MEF2A: variants seen among roughly 807,000 people sequenced by gnomAD.
MEF2A encodes the protein myocyte-specific enhancer factor 2A.
A neutral mutation model predicts 55.8 loss-of-function variants in MEF2A; 28 were observed. The observed-to-expected ratio is 0.50, with a 90% CI of 0.37 to 0.69. The LOEUF is 0.69. Ranked by LOEUF, MEF2A falls within the 30% of genes least tolerant of loss-of-function variation. MEF2A has a pLI of 0.00. For missense variants in MEF2A, 528 were observed against 626.2 expected, an observed-to-expected ratio of 0.84 and a Z score of 1.67; for synonymous variants, 239 against 227.1, an observed-to-expected ratio of 1.05 and a Z score of -0.47.
chr15:99,691,458 G>A (rs575785836), intron 8 of MEF2A, among the ~76,000 whole-genome samples: 15 of 152,184 alleles, frequency 9.9e-5, no homozygotes, highest in Admixed American at 9.1e-4. Context: ...AGCACTTTGG[G>A]ATGCCAGGGC....
intron 7 of MEF2A, among the ~76,000 whole-genome samples, chr15:99,680,174 T>C (rs1313760590): frequency 1.3e-5 from 2 of 152,208 alleles, no homozygotes; most frequent in Non-Finnish European, 2.9e-5. Flanking sequence ...GTGTTGCTCA[T>C]TCTCCAGAGG....
Position 99,587,784 on chromosome 15 carries a change from G to A in MEF2A, c.-224-10646G>A, listed in dbSNP as rs146953975. Among the ~76,000 whole-genome samples, 7 of 152,016 alleles carry A rather than the reference G, an allele frequency of 4.6e-5. No homozygotes were observed. The East Asian group carries it at 1.4e-3, about 29-fold the overall frequency. ...ACAGTTGATGTTTAATAGTGATCTT[G>A]TATCCTATACCCTTGCAAACTCCAC... is the stretch of plus-strand genomic sequence containing the variant. On this transcript the variant is annotated intron_variant, in intron 1 of 11. Transcript: ENST00000557942.
intron 3 of MEF2A, among the ~76,000 whole-genome samples, chr15:99,639,471 A>G (rs977449876): frequency 2.0e-5 from 3 of 152,224 alleles, no homozygotes; most frequent in African/African-American, 7.2e-5. Context: ...TAATTCATCA[A>G]TACTTCTATC....
chr15:99,617,584 A>G (rs1159842228), intron 2 of MEF2A, among the ~76,000 whole-genome samples: 1 of 152,318 alleles, frequency 6.6e-6, no homozygotes, highest in African/African-American at 2.4e-5. Flanking sequence ...TTTCTGCTGC[A>G]AGTAACAGAG....
intron 9 of MEF2A, among the ~76,000 whole-genome samples, chr15:99,705,521 G>A (rs1395044874): frequency 6.6e-6 from 1 of 152,156 alleles, no homozygotes; most frequent in Non-Finnish European, 1.5e-5. Flanking sequence ...CAATGCCTAG[G>A]AAATGGTGAA....
At chr15:99,663,983 C>T (rs1324051071) in intron 4 of MEF2A, among the ~76,000 whole-genome samples, 2 of 152,112 alleles carry the variant, frequency 1.3e-5, no homozygotes, top group Admixed American at 6.5e-5. Context: ...GTAAGGTTGT[C>T]AGTACTCTAT....
intron 4 of MEF2A, among the ~76,000 whole-genome samples, chr15:99,653,968 G>A (rs1436234586): frequency 6.6e-6 from 1 of 152,050 alleles, no homozygotes; most frequent in Non-Finnish European, 1.5e-5. Flanking sequence ...GAACGTAGAA[G>A]TAGCAACTAG....
intron 2 of MEF2A, among the ~76,000 whole-genome samples, chr15:99,625,259 A>G (rs868068797): frequency 5.9e-5 from 9 of 152,078 alleles, no homozygotes; most frequent in Non-Finnish European, 8.8e-5. Context: ...TTGTTAATGT[A>G]TAGAATTGCA....
chr15:99,600,418 TG>T (rs1473648443), intron 2 of MEF2A, among the ~76,000 whole-genome samples: 2 of 152,138 alleles, frequency 1.3e-5, no homozygotes, highest in Non-Finnish European at 2.9e-5. Flanking sequence ...GTATGTTAAC[TG>T]GCGAAGCTCA....
At chr15:99,685,156 G>C (rs2053974349) in intron 7 of MEF2A, among the ~76,000 whole-genome samples, 1 of 152,118 alleles carries the variant, frequency 6.6e-6, no homozygotes, top group Admixed American at 6.5e-5. Flanking sequence ...TTTTTGCTTA[G>C]TCTTGCTTTG....
intron 4 of MEF2A, among the ~76,000 whole-genome samples, chr15:99,661,641 A>G (rs2048659430): frequency 6.6e-6 from 1 of 152,164 alleles, no homozygotes; most frequent in Non-Finnish European, 1.5e-5. Flanking sequence ...AATGTGCTTC[A>G]TTTCATTAGT....
intron 1 of MEF2A, among the ~76,000 whole-genome samples, chr15:99,579,256 A>G (rs1965228619): frequency 1.3e-5 from 2 of 148,960 alleles, no homozygotes; most frequent in African/African-American, 4.9e-5. Flanking sequence ...GTTTGAATGT[A>G]TTTAATTCTG....
Position 99,604,029 on chromosome 15 carries a change from T to C in MEF2A, c.-143+5518T>C, listed in dbSNP as rs1167658022. Among the ~76,000 whole-genome samples, 8 of 152,224 alleles carry C rather than the reference T, an allele frequency of 5.3e-5. No individual in the cohort carries two copies. In the East Asian group the frequency reaches 1.3e-3, roughly 26 times the overall value. ...TTTGTGAAATAGTTTGCATAGTTTC[T>C]GACAAAAAGTCTGCTGTTCTTACCT... On this transcript the variant is annotated intron_variant, in intron 2 of 11. Coordinates refer to ENST00000557942, the MANE Select transcript of MEF2A (RefSeq NM_001319206.4).
At chr15:99,640,814 G>T (rs1044994215) in intron 3 of MEF2A, among the ~76,000 whole-genome samples, 1 of 152,080 alleles carries the variant, frequency 6.6e-6, no homozygotes, top group Non-Finnish European at 1.5e-5. Context: ...CTCCCAAAGT[G>T]CTGGGATTAT....
At chr15:99,687,453 G>A (rs1375603021) in intron 7 of MEF2A, among the ~76,000 whole-genome samples, 1 of 152,140 alleles carries the variant, frequency 6.6e-6, no homozygotes, top group Non-Finnish European at 1.5e-5. Flanking sequence ...TAGAATGAAA[G>A]GAGCAGAACA....
chr15:99,592,201 C>T lies in MEF2A; in HGVS notation c.-224-6229C>T, dbSNP rs150481460. ...ACTGTAGGACTAGGTTAGCACGCGGCGGTGCTGCTGCTGCATTTTCTACTG... is the reference window on the plus strand; with the variant it reads ...ACTGTAGGACTAGGTTAGCACGCGGTGGTGCTGCTGCTGCATTTTCTACTG... On this transcript the variant is annotated intron_variant, in intron 1 of 11. Transcript: ENST00000557942. Among the ~76,000 whole-genome samples, 4 of 152,146 alleles carry T rather than the reference C, an allele frequency of 2.6e-5. No homozygotes were observed. The East Asian group carries it at 5.8e-4, about 22-fold the overall frequency.
At chr15:99,644,986 TA>T (rs990131951) in intron 3 of MEF2A, among the ~76,000 whole-genome samples, 1 of 152,010 alleles carries the variant, frequency 6.6e-6, no homozygotes, top group East Asian at 1.9e-4. Flanking sequence ...AGGGTGTAAA[TA>T]AAAAAATTTT....
At chr15:99,570,192 C>T (rs1961552849) in intron 1 of MEF2A, among the ~76,000 whole-genome samples, 2 of 152,104 alleles carry the variant, frequency 1.3e-5, no homozygotes, top group Non-Finnish European at 2.9e-5. Context: ...AGGTAATTTA[C>T]TTCATCATTA....
At position 99,711,896 on chromosome 15, in the gene MEF2A, G is replaced by A. The variant is rs554377058; in HGVS notation, c.1137-494G>A. Among the ~76,000 whole-genome samples the A allele has an allele frequency of 1.2e-4, 18 of 152,312 alleles. No homozygotes were observed. The South Asian group carries it at 1.4e-3, about 12-fold the overall frequency. ...CAGGCCCGGGGAACAGCCTGTTTGC[G>A]TCCTCCTCTACTGCTCTCAGCCAGC... On this transcript the variant is annotated intron_variant, in intron 11 of 11. Transcript: ENST00000557942.
Sources: allele counts gnomAD v4.1 joint callset (sites outside exome capture counted in the v4.1 genomes callset), GRCh38; gene constraint gnomAD v4.1.1; transcripts MANE v1.5; gene names NCBI Gene and HGNC (gene_info 2026-07-23, HGNC 2026-07-21).